STXBP5L: variants seen among roughly 807,000 people sequenced by gnomAD.
The protein encoded by STXBP5L is syntaxin binding protein 5L.
STXBP5L carries 65 observed loss-of-function variants against 144.5 expected under a neutral mutation model. That is an observed-to-expected ratio of 0.45 (90% CI 0.37 to 0.55). The LOEUF is 0.55. Among genes scored for constraint, STXBP5L ranks in the 20% least tolerant of loss-of-function variants. The probability of loss-of-function intolerance (pLI) is 0.00; values close to 1 mark genes in which losing one functional copy is unlikely to be tolerated. For synonymous variants in STXBP5L, 505 were observed against 469.6 expected, an observed-to-expected ratio of 1.08 and a Z score of -0.97; for missense variants, 1,298 against 1,405.5, an observed-to-expected ratio of 0.92 and a Z score of 1.22.
intron 3 of STXBP5L, among the ~76,000 whole-genome samples, chr3:121,003,340 T>G (rs1943956407): frequency 1.3e-5 from 2 of 152,244 alleles, no homozygotes; most frequent in African/African-American, 4.8e-5. Context: ...GTCTTTTGGC[T>G]GCATAAATGT....
intron 20 of STXBP5L, among the ~76,000 whole-genome samples, chr3:121,366,903 T>C (rs1162101248): frequency 6.6e-6 from 1 of 152,128 alleles, no homozygotes; most frequent in African/African-American, 2.4e-5. Flanking sequence ...TCATTTCCTA[T>C]TGGTATATTT....
At chr3:121,089,778 T>A (rs139666066) in intron 5 of STXBP5L, among the ~76,000 whole-genome samples, 1 of 152,170 alleles carries the variant, frequency 6.6e-6, no homozygotes, top group East Asian at 1.9e-4. Context: ...CTTATATTAT[T>A]TGTTTTTTCA....
intron 20 of STXBP5L, among the ~76,000 whole-genome samples, chr3:121,346,175 A>G (rs542735444): frequency 1.1e-4 from 15 of 139,956 alleles, no homozygotes; most frequent in Non-Finnish European, 1.8e-4. Context: ...TCATTGTTCA[A>G]TTCCCACCTA....
chr3:121,213,911 G>C (rs1488224691), intron 10 of STXBP5L, among the ~76,000 whole-genome samples: 2 of 151,770 alleles, frequency 1.3e-5, no homozygotes, highest in Non-Finnish European at 2.9e-5. Context: ...TCAGGGATTT[G>C]AGTTTTTCCT....
chr3:120,979,121 T>A (rs1243069013), intron 3 of STXBP5L, among the ~76,000 whole-genome samples: 1 of 152,170 alleles, frequency 6.6e-6, no homozygotes, highest in East Asian at 1.9e-4. Context: ...ACTGCTGTCT[T>A]TTTGTTTGTC....
At chr3:121,099,991 A>T (rs1490257072) in intron 5 of STXBP5L, among the ~76,000 whole-genome samples, 3 of 152,222 alleles carry the variant, frequency 2.0e-5, no homozygotes, top group Admixed American at 1.3e-4. Flanking sequence ...ACAACCGTAT[A>T]AAAGGATAAA....
intron 19 of STXBP5L, among the ~76,000 whole-genome samples, chr3:121,314,632 AGAGC>A (rs2108522280): frequency 7.1e-6 from 1 of 140,998 alleles, no homozygotes. Context: ...AGGGAGAGGG[AGAGC>A]GTAAGCGTAA....
chr3:121,328,817 C>A (rs1055743434), intron 20 of STXBP5L, among the ~76,000 whole-genome samples: 6 of 151,902 alleles, frequency 3.9e-5, no homozygotes, highest in African/African-American at 1.5e-4. Flanking sequence ...TGGAGAAAAG[C>A]AAGAGTGTCT....
chr3:121,276,170 C>T (rs1193525235), intron 18 of STXBP5L, among the ~76,000 whole-genome samples: 1 of 75,360 alleles, frequency 1.3e-5, no homozygotes, highest in Middle Eastern at 8.5e-3. Context: ...ATTAGATATA[C>T]TTCTTTTAGT....
At chr3:121,185,839 C>A (rs774110384) in intron 9 of STXBP5L, among the ~76,000 whole-genome samples, 4 of 152,158 alleles carry the variant, frequency 2.6e-5, no homozygotes, top group Non-Finnish European at 2.9e-5. Context: ...TGAAGAAAGT[C>A]ATTGGTAGCT....
chr3:121,280,022 C>A (rs370704586), intron 19 of STXBP5L, 66 bp downstream of exon 19: 1 of 1,539,692 alleles, frequency 6.5e-7, no homozygotes, highest in African/African-American at 1.4e-5. Flanking sequence ...TTTTAGATTT[C>A]TTGTCTTTCT....
intron 2 of STXBP5L, among the ~76,000 whole-genome samples, chr3:120,944,842 C>T (rs1171545737): frequency 6.6e-6 from 1 of 151,702 alleles, no homozygotes; most frequent in East Asian, 1.9e-4. Flanking sequence ...TCCAAGAGAG[C>T]AGGAAATTAT....
At chr3:120,918,347 C>G (rs894469586) in intron 2 of STXBP5L, among the ~76,000 whole-genome samples, 1 of 152,152 alleles carries the variant, frequency 6.6e-6, no homozygotes, top group African/African-American at 2.4e-5. Context: ...CTGTTATTCT[C>G]TGTACCTAGA....
At chr3:121,093,170 T>G (rs1576927747) in intron 5 of STXBP5L, among the ~76,000 whole-genome samples, 1 of 152,214 alleles carries the variant, frequency 6.6e-6, no homozygotes, top group African/African-American at 2.4e-5. Context: ...TGGATTCGGT[T>G]TGCCAGTATT....
chr3:121,104,860 G>A lies in STXBP5L; in HGVS notation c.471-10065G>A, dbSNP rs775001994. On this transcript the variant is annotated intron_variant, in intron 5 of 26. Coordinates refer to ENST00000471454, the MANE Select transcript of STXBP5L (RefSeq NM_001308330.2). ...GGCAAAGAGCTCATGACCAAGATGCGACAAAAAGAAAGATAAATAGATGGG... is the reference window on the plus strand; with the variant it reads ...GGCAAAGAGCTCATGACCAAGATGCAACAAAAAGAAAGATAAATAGATGGG... 5.3e-5 allele frequency among the ~76,000 whole-genome samples: 8 copies of A among 151,668 alleles called. No individual in the cohort carries two copies. The Middle Eastern group carries it at 0.01, about 193-fold the overall frequency.
chr3:121,355,895 T>C (rs2045493068), intron 20 of STXBP5L, among the ~76,000 whole-genome samples: 1 of 152,210 alleles, frequency 6.6e-6, no homozygotes, highest in Admixed American at 6.5e-5. Flanking sequence ...TTATTGTTGA[T>C]GTTGATGCTA....
intron 2 of STXBP5L, among the ~76,000 whole-genome samples, chr3:120,952,575 G>T (rs1259247804): frequency 6.6e-6 from 1 of 151,738 alleles, no homozygotes; most frequent in African/African-American, 2.4e-5. Context: ...TAAAGCACTG[G>T]ATTTATAATG....
chr3:121,004,292 A>G (rs1044739183), intron 3 of STXBP5L, among the ~76,000 whole-genome samples: 46 of 151,052 alleles, frequency 3.0e-4, no homozygotes, highest in Non-Finnish European at 5.2e-4. Flanking sequence ...ATTCCTAGGT[A>G]TTTTATTCTC....
intron 3 of STXBP5L, among the ~76,000 whole-genome samples, chr3:121,019,601 T>C (rs1945399169): frequency 6.6e-6 from 1 of 152,162 alleles, no homozygotes; most frequent in Admixed American, 6.5e-5. Context: ...CAGGACTCTT[T>C]GCAGACACTC....
Sources: allele counts gnomAD v4.1 joint callset (sites outside exome capture counted in the v4.1 genomes callset), GRCh38; gene constraint gnomAD v4.1.1; transcripts MANE v1.5; gene names NCBI Gene and HGNC (gene_info 2026-07-23, HGNC 2026-07-21).